CNTNAP5: variants seen among roughly 807,000 people sequenced by gnomAD.
CNTNAP5 encodes contactin associated protein family member 5.
Under a neutral mutation model 150.2 loss-of-function variants are expected in CNTNAP5, and 72 were observed. The ratio of observed to expected loss-of-function variants is 0.48; its 90% confidence interval spans 0.40 to 0.58. The LOEUF is 0.58. CNTNAP5 is among the 20% of genes least tolerant of loss of function. The probability of loss-of-function intolerance (pLI) is 0.00; values close to 1 mark genes in which losing one functional copy is unlikely to be tolerated. For synonymous variants in CNTNAP5, 672 were observed against 619.8 expected (o/e 1.08, Z -1.25); for missense variants, 1,636 against 1,626.2 (o/e 1.01, Z -0.10).
In CNTNAP5 at chr2:124,057,491, C is replaced by T. The variant is rs1314481418; in HGVS notation, c.82+31759C>T. ...TTTTTTAGTAGAGATGGGGTTTCAC[C>T]GTGTTAGCCAGGATGGTCTGGATCT... On this transcript the variant is annotated intron_variant, in intron 1 of 23. Transcript: ENST00000682447. Among the ~76,000 whole-genome samples the T allele has an allele frequency of 9.1e-5, 8 of 88,396 alleles. 1 individual carries two copies. Among genetic ancestry groups the T allele is most frequent in the South Asian group, 3.7e-4 (1 of 2,688 alleles). 58.0% of individuals were successfully genotyped at this position (88,396 alleles called of 152,430 possible). A position where few individuals can be genotyped will look rare whatever the true frequency, so the allele number is the denominator to read the frequency against.
At chr2:124,510,248 T>C (rs1446916682) in intron 8 of CNTNAP5, among the ~76,000 whole-genome samples, 1 of 142,018 alleles carries the variant, frequency 7.0e-6, no homozygotes, top group South Asian at 2.1e-4. Flanking sequence ...TATATATCTA[T>C]ATCTATATCT....
At chr2:124,248,406 C>T (rs1275959036) in intron 3 of CNTNAP5, among the ~76,000 whole-genome samples, 6 of 152,194 alleles carry the variant, frequency 3.9e-5, no homozygotes, top group African/African-American at 1.4e-4. Flanking sequence ...GATCTCAAAG[C>T]TCATCATTCA....
At chr2:124,677,129 T>C (rs112726807) in intron 13 of CNTNAP5, among the ~76,000 whole-genome samples, 3,250 of 152,274 alleles carry the variant, frequency 0.021, 45 homozygotes, top group Middle Eastern at 0.037. Context: ...TTCCTTCAGA[T>C]GTTCAGATGT....
intron 4 of CNTNAP5, among the ~76,000 whole-genome samples, chr2:124,420,368 T>C (rs1372522358): frequency 6.6e-6 from 1 of 152,128 alleles, no homozygotes; most frequent in African/African-American, 2.4e-5. Flanking sequence ...TGGCCCTCTT[T>C]AGCAACTACC....
chr2:124,187,311 C>T (rs1006881758), intron 1 of CNTNAP5, among the ~76,000 whole-genome samples: 2 of 152,162 alleles, frequency 1.3e-5, no homozygotes, highest in African/African-American at 4.8e-5. Flanking sequence ...GGTCCAGAAT[C>T]TTTGGGTAAA....
intron 1 of CNTNAP5, among the ~76,000 whole-genome samples, chr2:124,192,866 G>A (rs1033224038): frequency 3.9e-5 from 6 of 152,074 alleles, no homozygotes; most frequent in Admixed American, 3.3e-4. Flanking sequence ...TTTACAATAG[G>A]ACTGCCATCA....
intron 11 of CNTNAP5, among the ~76,000 whole-genome samples, chr2:124,564,328 C>A (rs1030276226): frequency 6.6e-6 from 1 of 151,920 alleles, no homozygotes; most frequent in African/African-American, 2.4e-5. Context: ...AGAATATGAG[C>A]CTTGATTTTT....
chr2:124,417,374 AC>A, intron 3 of CNTNAP5, 68 bp from the exon 4 acceptor site: 1 of 1,536,262 alleles, frequency 6.5e-7, no homozygotes. Context: ...TCGTGGAGTA[AC>A]AAATATGGTT....
At chr2:124,312,457 C>A (rs1031255856) in intron 3 of CNTNAP5, among the ~76,000 whole-genome samples, 1 of 152,078 alleles carries the variant, frequency 6.6e-6, no homozygotes, top group Non-Finnish European at 1.5e-5. Context: ...ACCCGCCCCC[C>A]GGCTTCAAGT....
intron 3 of CNTNAP5, among the ~76,000 whole-genome samples, chr2:124,381,369 G>A (rs17011462): frequency 0.02 from 3,002 of 152,234 alleles, 108 homozygotes; most frequent in African/African-American, 0.069. Context: ...AAGTGCAGGA[G>A]TGACACCAGT....
intron 1 of CNTNAP5, among the ~76,000 whole-genome samples, chr2:124,127,479 A>C (rs971995608): frequency 6.6e-6 from 1 of 152,166 alleles, no homozygotes; most frequent in African/African-American, 2.4e-5. Context: ...AAATGGCCAT[A>C]CTGCCCAAGG....
intron 1 of CNTNAP5, among the ~76,000 whole-genome samples, chr2:124,031,139 A>G (rs1045699779): frequency 6.8e-6 from 1 of 146,328 alleles, no homozygotes; most frequent in Non-Finnish European, 1.5e-5. Context: ...CCCGCTATAC[A>G]TACACACACA....
Position 124,914,349 on chromosome 2 carries a change from C to A in CNTNAP5, c.*61C>A. On this transcript the variant is annotated 3_prime_UTR_variant, in exon 24 of 24. Transcript: ENST00000682447. Reference sequence around the variant, plus strand: ...TGTTCAATTATCTCCTCCCCCTCTTCTCTCCTGTCTTTTGATTTGGTCATT... The same window carrying A: ...TGTTCAATTATCTCCTCCCCCTCTTATCTCCTGTCTTTTGATTTGGTCATT... The A allele has an allele frequency of 8.3e-7, 1 of 1,201,174 alleles. No individual in the cohort carries two copies. The highest frequency in any genetic ancestry group is 1.2e-6 in the Non-Finnish European group (1 of 834,490). The allele number at this position is 1,201,174 out of a possible 1,614,324, so 74.4% of individuals were successfully genotyped here.
chr2:124,905,566 G>A (rs917443159), intron 22 of CNTNAP5, among the ~76,000 whole-genome samples: 3 of 151,988 alleles, frequency 2.0e-5, no homozygotes, highest in African/African-American at 4.8e-5. Flanking sequence ...AATGTATCTG[G>A]GATTTTGTCT....
chr2:124,276,806 C>T (rs1409900330), intron 3 of CNTNAP5, among the ~76,000 whole-genome samples: 1 of 152,064 alleles, frequency 6.6e-6, no homozygotes, highest in Admixed American at 6.6e-5. Flanking sequence ...GGACAAACAC[C>T]AGCAGAGTAA....
At chr2:124,260,578 G>A (rs937849270) in intron 3 of CNTNAP5, among the ~76,000 whole-genome samples, 1 of 152,188 alleles carries the variant, frequency 6.6e-6, no homozygotes, top group Non-Finnish European at 1.5e-5. Context: ...GAGTGAATAG[G>A]CAACCTACAG....
intron 13 of CNTNAP5, among the ~76,000 whole-genome samples, chr2:124,650,968 G>T (rs751305601): frequency 2.6e-5 from 4 of 152,104 alleles, no homozygotes; most frequent in Non-Finnish European, 5.9e-5. Context: ...GCAGGGCAGC[G>T]AGTATGCATA....
At chr2:124,201,098 T>G (rs985593508) in intron 1 of CNTNAP5, among the ~76,000 whole-genome samples, 1 of 152,134 alleles carries the variant, frequency 6.6e-6, no homozygotes, top group African/African-American at 2.4e-5. Flanking sequence ...GGCTTGTAAA[T>G]AAGAATTTAA....
intron 19 of CNTNAP5, among the ~76,000 whole-genome samples, chr2:124,814,056 C>A (rs934791375): frequency 6.6e-6 from 1 of 152,052 alleles, no homozygotes; most frequent in East Asian, 1.9e-4. Context: ...CCATTGCCTG[C>A]AGGTTCACCT....
Sources: gnomAD v4.1 joint callset for allele counts (sites outside exome capture counted in the v4.1 genomes callset) on GRCh38, gnomAD v4.1.1 for gene constraint, MANE v1.5 for transcripts, NCBI Gene and HGNC (gene_info 2026-07-23, HGNC 2026-07-21) for gene names.